ZNF385D: variants seen among roughly 807,000 people sequenced by gnomAD.
ZNF385D encodes zinc finger protein 659.
In ZNF385D, 15 loss-of-function variants were observed where a neutral mutation model predicts 35.8. The ratio of observed to expected loss-of-function variants is 0.42; its 90% CI spans 0.28 to 0.64. The LOEUF (loss-of-function observed/expected upper bound fraction) is 0.64. Among genes scored for constraint, ZNF385D ranks in the 30% least tolerant of loss-of-function variants. The probability of loss-of-function intolerance (pLI) is 0.23; values close to 1 mark genes in which losing one functional copy is unlikely to be tolerated. For synonymous variants in ZNF385D, 212 were observed against 186.8 expected (o/e 1.13, Z -1.10); for missense variants, 474 against 494.6 (o/e 0.96, Z 0.39).
At chr3:21,446,099 T>C (rs1702132004) in intron 4 of ZNF385D, among the ~76,000 whole-genome samples, 1 of 152,174 alleles carries the variant, frequency 6.6e-6, no homozygotes, top group Non-Finnish European at 1.5e-5. Context: ...GAGTTTCTGA[T>C]TCAGTATGTA....
At chr3:21,659,152 A>G (rs1050562923) in intron 2 of ZNF385D, among the ~76,000 whole-genome samples, 2 of 152,038 alleles carry the variant, frequency 1.3e-5, no homozygotes, top group African/African-American at 4.8e-5. Flanking sequence ...TGTCAGACAC[A>G]TTATCAGTGC....
At chr3:21,694,867 G>T (rs2067416557) in intron 1 of ZNF385D, among the ~76,000 whole-genome samples, 1 of 152,074 alleles carries the variant, frequency 6.6e-6, no homozygotes, top group Admixed American at 6.6e-5. Context: ...AAAAGAAGGA[G>T]AATTTTAAAA....
intron 3 of ZNF385D, among the ~76,000 whole-genome samples, chr3:21,512,306 C>G (rs1485476363): frequency 6.6e-6 from 1 of 151,948 alleles, no homozygotes; most frequent in African/African-American, 2.4e-5. Context: ...AGGTCATAAC[C>G]TTTCCAAATG....
At chr3:21,430,218 G>T (rs1367920078) in intron 5 of ZNF385D, among the ~76,000 whole-genome samples, 1 of 151,816 alleles carries the variant, frequency 6.6e-6, no homozygotes, top group Non-Finnish European at 1.5e-5. Context: ...CTAGGTATCA[G>T]GTGACCAAAT....
intron 2 of ZNF385D, among the ~76,000 whole-genome samples, chr3:21,574,292 A>C (rs936735778): frequency 1.3e-5 from 2 of 152,082 alleles, no homozygotes; most frequent in Non-Finnish European, 2.9e-5. Flanking sequence ...CACACAAGAA[A>C]AGTCTCTACG....
chr3:22,005,032 C>G (rs1576132658), intron 3 of ZNF385D, among the ~76,000 whole-genome samples: 1 of 69,908 alleles, frequency 1.4e-5, no homozygotes, highest in African/African-American at 5.7e-5. Context: ...GGGGTTAATA[C>G]AAGGAACTCA....
rs932596665 is a variant in ZNF385D, at chr3:21,415,065, G to C, written c.*6149C>G. The C allele has an allele frequency of 6.6e-6, 1 of 151,890 alleles. No homozygotes were observed. Among genetic ancestry groups the C allele is most frequent in the East Asian group, 1.9e-4 (1 of 5,182 alleles). 9.4% of individuals were successfully genotyped at this position (151,890 alleles called of 1,614,324 possible). A position where few individuals can be genotyped will look rare whatever the true frequency, so the allele number is the denominator to read the frequency against. ...CCAATAAAACCCATATCATTATTTT[G>C]GTTAACAAAATTTAACACACTTCAC... On this transcript the variant is annotated 3_prime_UTR_variant, in exon 8 of 8. Transcript: ENST00000281523.
intron 2 of ZNF385D, among the ~76,000 whole-genome samples, chr3:21,574,927 T>C (rs922699174): frequency 3.3e-5 from 5 of 151,770 alleles, no homozygotes; most frequent in African/African-American, 1.2e-4. Flanking sequence ...TGTTTTCTTT[T>C]GGAGATCTAG....
chr3:22,368,198 G>T (rs916007057), intron 2 of ZNF385D, among the ~76,000 whole-genome samples: 2 of 152,052 alleles, frequency 1.3e-5, no homozygotes, highest in African/African-American at 4.8e-5. Flanking sequence ...GTAACTAAGC[G>T]ATCTAAAGGT....
At chr3:21,732,241 G>A (rs995588620) in intron 1 of ZNF385D, among the ~76,000 whole-genome samples, 13 of 151,498 alleles carry the variant, frequency 8.6e-5, no homozygotes, top group African/African-American at 2.7e-4. Context: ...TAGTAGACAC[G>A]GGGTTTCACC....
intron 1 of ZNF385D, among the ~76,000 whole-genome samples, chr3:21,736,318 G>C (rs2069240453): frequency 6.6e-6 from 1 of 152,072 alleles, no homozygotes; most frequent in Admixed American, 6.6e-5. Context: ...ACATGCTATA[G>C]ATACTCCAGT....
At chr3:21,848,438 C>A (rs778855321) in intron 3 of ZNF385D, among the ~76,000 whole-genome samples, 3 of 151,298 alleles carry the variant, frequency 2.0e-5, no homozygotes, top group Non-Finnish European at 3.0e-5. Flanking sequence ...AATAGAAAAA[C>A]AACAAATATA....
chr3:21,850,468 C>G (rs1279754188), intron 3 of ZNF385D, among the ~76,000 whole-genome samples: 1 of 151,934 alleles, frequency 6.6e-6, no homozygotes, highest in Non-Finnish European at 1.5e-5. Flanking sequence ...CATGAAGTAG[C>G]CTGGAATTTG....
At chr3:22,003,872 C>CA (rs34327227) in intron 3 of ZNF385D, among the ~76,000 whole-genome samples, 133 of 141,212 alleles carry the variant, frequency 9.4e-4, no homozygotes, top group African/African-American at 3.0e-3. Flanking sequence ...ATCCCCCCAC[C>CA]AAAAAAAAAA....
intron 2 of ZNF385D, among the ~76,000 whole-genome samples, chr3:21,568,032 G>T (rs1162457473): frequency 2.0e-5 from 3 of 151,840 alleles, no homozygotes; most frequent in Non-Finnish European, 4.4e-5. Flanking sequence ...ATTCTGCAGA[G>T]ACAATTTTAT....
At chr3:21,648,085 T>C (rs1444476766) in intron 2 of ZNF385D, among the ~76,000 whole-genome samples, 2 of 152,096 alleles carry the variant, frequency 1.3e-5, no homozygotes, top group African/African-American at 4.8e-5. Flanking sequence ...GCTAATATGG[T>C]TTGGCTGTGT....
intron 2 of ZNF385D, among the ~76,000 whole-genome samples, chr3:21,650,015 A>G (rs996494329): frequency 2.0e-5 from 3 of 152,164 alleles, no homozygotes; most frequent in African/African-American, 7.2e-5. Flanking sequence ...AACCAGATCA[A>G]TAACTAGAAA....
At chr3:21,557,427 G>A (rs148814296) in intron 3 of ZNF385D, among the ~76,000 whole-genome samples, 5 of 152,054 alleles carry the variant, frequency 3.3e-5, no homozygotes, top group African/African-American at 1.2e-4. Context: ...ATAATCATGT[G>A]GTTTTTGTCA....
At chr3:22,093,844 T>C (rs1701459507) in intron 3 of ZNF385D, among the ~76,000 whole-genome samples, 1 of 152,154 alleles carries the variant, frequency 6.6e-6, no homozygotes, top group Admixed American at 6.6e-5. Flanking sequence ...ATTTACTATA[T>C]GTGCAGAAAA....
Sources: allele counts gnomAD v4.1 joint callset (sites outside exome capture counted in the v4.1 genomes callset), GRCh38; gene constraint gnomAD v4.1.1; transcripts MANE v1.5; gene names NCBI Gene and HGNC (gene_info 2026-07-23, HGNC 2026-07-21).